The following SH3BGR variants were observed in gnomAD, a reference collection of about 807,000 sequenced individuals.
SH3BGR encodes the protein SH3 domain binding glutamate rich protein, also known as SH3 domain-binding glutamic acid-rich protein.
In SH3BGR, 29 loss-of-function variants were observed where a neutral mutation model predicts 24.5. The observed-to-expected ratio is 1.18, with a 90% CI of 0.88 to 1.61. SH3BGR has a LOEUF of 1.61. SH3BGR is among the 40% of genes most tolerant of loss of function. The probability of loss-of-function intolerance (pLI) is 0.00; values close to 1 mark genes in which losing one functional copy is unlikely to be tolerated. For missense variants in SH3BGR, 162 were observed against 205.8 expected (o/e 0.79, Z 1.30); for synonymous variants, 55 against 65.7 (o/e 0.84, Z 0.79).
upstream of SH3BGR, among the ~76,000 whole-genome samples, chr21:39,450,007 C>T (rs1433579958): frequency 1.3e-5 from 2 of 152,130 alleles, no homozygotes; most frequent in African/African-American, 4.8e-5. Context: ...TCAAGAGATG[C>T]GTATTCTCTA....
chr21:39,465,170 G>C (rs2077820025), intron 2 of SH3BGR, among the ~76,000 whole-genome samples: 1 of 152,072 alleles, frequency 6.6e-6, no homozygotes, highest in Admixed American at 6.6e-5. Flanking sequence ...AAAGTATTGG[G>C]ATTACAGGCA....
chr21:39,457,275 C>A, intron 1 of SH3BGR, among the ~76,000 whole-genome samples: 1 of 134,990 alleles, frequency 7.4e-6, no homozygotes. Context: ...ATATAAAAGT[C>A]ATATATAAGA....
At chr21:39,474,698 C>T (rs1171289211) in intron 2 of SH3BGR, among the ~76,000 whole-genome samples, 1 of 152,136 alleles carries the variant, frequency 6.6e-6, no homozygotes, top group Non-Finnish European at 1.5e-5. Flanking sequence ...ATTGGGAGGG[C>T]CTGAGATGCA....
chr21:39,483,131 A>G (rs1392884700), intron 3 of SH3BGR, among the ~76,000 whole-genome samples: 1 of 152,254 alleles, frequency 6.6e-6, no homozygotes, highest in Non-Finnish European at 1.5e-5. Flanking sequence ...AGAAAGACAC[A>G]CAAATGGCAA....
intron 3 of SH3BGR, among the ~76,000 whole-genome samples, chr21:39,476,100 G>T (rs1360085457): frequency 1.3e-5 from 2 of 152,192 alleles, no homozygotes; most frequent in African/African-American, 2.4e-5. Flanking sequence ...AGAGTTGACA[G>T]GATGGAGACC....
intron 3 of SH3BGR, among the ~76,000 whole-genome samples, chr21:39,483,739 G>T (rs934258126): frequency 6.6e-6 from 1 of 152,204 alleles, no homozygotes; most frequent in Non-Finnish European, 1.5e-5. Flanking sequence ...TGGGCTGGTT[G>T]ATTGAAGGGA....
At chr21:39,451,792 T>G, upstream of SH3BGR, 61 of 1,104,710 alleles carry the variant, frequency 5.5e-5, no homozygotes, top group Non-Finnish European at 8.0e-5. Flanking sequence ...TTAGGGACTG[T>G]TGTCGCGCGT....
chr21:39,460,079 A>C (rs1024016989), intron 1 of SH3BGR, among the ~76,000 whole-genome samples: 3 of 152,216 alleles, frequency 2.0e-5, no homozygotes, highest in Admixed American at 2.0e-4. Flanking sequence ...AGAAATGGCT[A>C]CTGGCAGATA....
chr21:39,466,362 T>G (rs747441281), intron 2 of SH3BGR, among the ~76,000 whole-genome samples: 5 of 152,364 alleles, frequency 3.3e-5, no homozygotes, highest in Middle Eastern at 3.4e-3. Context: ...GCTTTTTCTA[T>G]GATTTACCTA....
chr21:39,498,830 T>TC (rs1388475680), intron 3 of SH3BGR, among the ~76,000 whole-genome samples: 2 of 152,194 alleles, frequency 1.3e-5, no homozygotes, highest in Non-Finnish European at 2.9e-5. Flanking sequence ...TCATCTATCA[T>TC]CTGTATCTAT....
intron 3 of SH3BGR, 23 bp downstream of exon 3, chr21:39,475,238 G>A (rs377591242): frequency 1.1e-4 from 163 of 1,460,694 alleles, no homozygotes; most frequent in Non-Finnish European, 1.1e-4. Flanking sequence ...AAACTCCATT[G>A]GGGTTCAAAA....
intron 2 of SH3BGR, among the ~76,000 whole-genome samples, chr21:39,473,154 G>A (rs572436977): frequency 2.2e-3 from 336 of 152,276 alleles, no homozygotes; most frequent in African/African-American, 7.9e-3. Context: ...AGATAATGAT[G>A]AATTGTTCTT....
At chr21:39,468,594 A>G (rs1908617740) in intron 2 of SH3BGR, among the ~76,000 whole-genome samples, 1 of 152,148 alleles carries the variant, frequency 6.6e-6, no homozygotes, top group South Asian at 2.1e-4. Flanking sequence ...GTGCAGCACC[A>G]CACCTAGCTA....
intron 5 of SH3BGR, among the ~76,000 whole-genome samples, chr21:39,510,675 A>G (rs1027553601): frequency 2.0e-5 from 3 of 151,886 alleles, no homozygotes; most frequent in Non-Finnish European, 4.4e-5. Flanking sequence ...CGTCTTTCCA[A>G]TAATTATTTC....
Position 39,499,471 on chromosome 21 carries a change from A to G in SH3BGR, c.313-352A>G, listed in dbSNP as rs2078456583. On this transcript the variant is annotated intron_variant, in intron 3 of 6. Coordinates refer to ENST00000333634, the MANE Select transcript of SH3BGR (RefSeq NM_007341.3). Reference sequence around the variant, plus strand: ...ATCTTTCTACCTTATCTATCTTCTTAATTTTTAATCTCTAAAATTATAAGC... The same window carrying G: ...ATCTTTCTACCTTATCTATCTTCTTGATTTTTAATCTCTAAAATTATAAGC... Among the ~76,000 whole-genome samples the G allele has an allele frequency of 1.3e-5, 2 of 151,782 alleles. 1 individual carries two copies. The highest frequency in any genetic ancestry group is 1.3e-4 in the Admixed American group (2 of 15,232).
intron 2 of SH3BGR, among the ~76,000 whole-genome samples, chr21:39,469,971 ATTG>A (rs1224726517): frequency 1.3e-5 from 2 of 152,022 alleles, no homozygotes; most frequent in Non-Finnish European, 2.9e-5. Context: ...TATTTTCTTT[ATTG>A]TTAAGTATAA....
chr21:39,450,986 T>G (rs1004097521), upstream of SH3BGR, among the ~76,000 whole-genome samples: 18 of 151,922 alleles, frequency 1.2e-4, no homozygotes, highest in Admixed American at 7.9e-4. Context: ...CTGTTTTTTT[T>G]TGTGTTATTG....
chr21:39,505,483 C>G (rs1439769335), intron 4 of SH3BGR, among the ~76,000 whole-genome samples: 2 of 152,176 alleles, frequency 1.3e-5, no homozygotes, highest in Non-Finnish European at 2.9e-5. Context: ...GTGCTAGGAG[C>G]CAGATGCGGT....
At chr21:39,452,210 A>C (rs62225184) in intron 1 of SH3BGR, 69 bp downstream of exon 1, 2 of 1,594,854 alleles carry the variant, frequency 1.3e-6, no homozygotes, top group East Asian at 2.2e-5. Flanking sequence ...AATATGGCCA[A>C]CGTTGGCCTT....
Sources: gnomAD v4.1 joint callset for allele counts (sites outside exome capture counted in the v4.1 genomes callset) on GRCh38, gnomAD v4.1.1 for gene constraint, MANE v1.5 for transcripts, NCBI Gene and HGNC (gene_info 2026-07-23, HGNC 2026-07-21) for gene names.